TBC1D9: variants seen among roughly 807,000 people sequenced by gnomAD.
The protein encoded by TBC1D9 is TBC1 domain family member 9A.
Under a neutral mutation model 132.0 loss-of-function variants are expected in TBC1D9, and 63 were observed. The ratio of observed to expected loss-of-function variants is 0.48; its 90% confidence interval spans 0.39 to 0.59. The LOEUF is 0.59. Among genes scored for constraint, TBC1D9 ranks in the 20% least tolerant of loss-of-function variants. The pLI is 0.00. For synonymous variants in TBC1D9, 610 were observed against 609.9 expected, an observed-to-expected ratio of 1.00 and a Z score of 0.00; for missense variants, 1,261 against 1,592.7, an observed-to-expected ratio of 0.79 and a Z score of 3.54.
intron 1 of TBC1D9, among the ~76,000 whole-genome samples, chr4:140,719,435 G>A (rs920160397): frequency 6.6e-6 from 1 of 152,112 alleles, no homozygotes; most frequent in Non-Finnish European, 1.5e-5. Flanking sequence ...ACATAAACTT[G>A]CATCTTCTTT....
chr4:140,728,560 C>T (rs1483985804), intron 1 of TBC1D9, among the ~76,000 whole-genome samples: 1 of 152,150 alleles, frequency 6.6e-6, no homozygotes, highest in Non-Finnish European at 1.5e-5. Flanking sequence ...GTGATGCAAT[C>T]TCGGCTCACT....
chr4:140,690,855 T>C (rs1737869343), intron 2 of TBC1D9, among the ~76,000 whole-genome samples: 1 of 152,142 alleles, frequency 6.6e-6, no homozygotes, highest in Non-Finnish European at 1.5e-5. Flanking sequence ...TGTATTATTA[T>C]ATGAACCCAT....
At chr4:140,718,247 G>GAAA (rs11420074) in intron 1 of TBC1D9, among the ~76,000 whole-genome samples, 27 of 123,144 alleles carry the variant, frequency 2.2e-4, no homozygotes, top group African/African-American at 5.5e-4. Flanking sequence ...CCTTTTTTCA[G>GAAA]AAAAAAAAAA....
intron 13 of TBC1D9, chr4:140,643,433 C>T (rs896037913): frequency 5.2e-6 from 5 of 955,754 alleles, no homozygotes; most frequent in Non-Finnish European, 6.6e-6. Flanking sequence ...CCAGGCCGGG[C>T]AGGAACTGCT....
intron 1 of TBC1D9, among the ~76,000 whole-genome samples, chr4:140,717,792 T>G (rs1738360786): frequency 6.6e-6 from 1 of 152,158 alleles, no homozygotes; most frequent in Admixed American, 6.5e-5. Flanking sequence ...TAGAACACAG[T>G]GCAGTCATGA....
chr4:140,636,338 A>G (rs115401826), intron 15 of TBC1D9, among the ~76,000 whole-genome samples: 2,685 of 152,216 alleles, frequency 0.018, 80 homozygotes, highest in African/African-American at 0.061. Context: ...GCTCCTTGGG[A>G]GGAGGACTAC....
rs530021676 is a variant in TBC1D9 at position 140,755,501 on chromosome 4, C to A, written c.130+415G>T. ...CCTGGAAACAAAAGAGCATTTTATA[C>A]CTGATCCTGCTGTTGCCAGTAAAGA... On this transcript the variant is annotated intron_variant, in intron 1 of 20. Transcript: ENST00000442267. Among the ~76,000 whole-genome samples the A allele has an allele frequency of 1.2e-4, 18 of 152,210 alleles. No individual in the cohort carries two copies. The East Asian group carries it at 2.5e-3, about 21-fold the overall frequency.
chr4:140,701,716 AC>A (rs1208817913), intron 1 of TBC1D9, 102 bp from the exon 2 acceptor site: 1 of 825,470 alleles, frequency 1.2e-6, no homozygotes, highest in Non-Finnish European at 2.0e-6. Context: ...TCTTCCAACA[AC>A]CCCATCTCCC....
intron 1 of TBC1D9, among the ~76,000 whole-genome samples, chr4:140,702,922 A>C (rs1738094323): frequency 6.6e-6 from 1 of 152,136 alleles, no homozygotes; most frequent in African/African-American, 2.4e-5. Flanking sequence ...AGCCCAAGAC[A>C]CTTTATTTCC....
intron 1 of TBC1D9, among the ~76,000 whole-genome samples, chr4:140,720,924 C>G (rs1217633890): frequency 2.6e-5 from 4 of 152,216 alleles, no homozygotes; most frequent in Non-Finnish European, 4.4e-5. Context: ...CAGACAGGAG[C>G]CACAGTGGCC....
At chr4:140,644,335 TG>T (rs1737063199) in intron 13 of TBC1D9, 1 of 266,600 alleles carries the variant, frequency 3.8e-6, no homozygotes. Context: ...GGCAGGCTGG[TG>T]GGGTGGGAGC....
intron 13 of TBC1D9, chr4:140,643,755 C>A (rs903095193): frequency 1.8e-6 from 2 of 1,106,094 alleles, no homozygotes; most frequent in Non-Finnish European, 2.6e-6. Context: ...TGCTTCAGGC[C>A]CCTCCGCAAA....
intron 1 of TBC1D9, among the ~76,000 whole-genome samples, chr4:140,704,601 ACT>A (rs1313585390): frequency 1.3e-5 from 2 of 151,932 alleles, no homozygotes; most frequent in Non-Finnish European, 2.9e-5. Flanking sequence ...TTCAATTCTG[ACT>A]CTGCCACTTC....
At chr4:140,643,559 G>C (rs962361195) in intron 13 of TBC1D9, 1 of 881,682 alleles carries the variant, frequency 1.1e-6, no homozygotes. Flanking sequence ...ACATTTCTAG[G>C]CTGGGCTGGG....
intron 13 of TBC1D9, among the ~76,000 whole-genome samples, chr4:140,646,452 A>T (rs1354188755): frequency 6.6e-6 from 1 of 152,220 alleles, no homozygotes; most frequent in East Asian, 1.9e-4. Flanking sequence ...TTTGAATTTC[A>T]GGAAAACAAT....
intron 16 of TBC1D9, among the ~76,000 whole-genome samples, chr4:140,631,699 TG>T (rs1349879274): frequency 6.6e-6 from 1 of 151,722 alleles, no homozygotes; most frequent in Non-Finnish European, 1.5e-5. Context: ...TGGGTTCAAG[TG>T]ATTCTCATAT....
At chr4:140,665,624 A>G (rs2111005014) in intron 9 of TBC1D9, among the ~76,000 whole-genome samples, 1 of 152,258 alleles carries the variant, frequency 6.6e-6, no homozygotes, top group South Asian at 2.1e-4. Flanking sequence ...AGGTGTCCAT[A>G]AAAAAACCTG....
intron 1 of TBC1D9, among the ~76,000 whole-genome samples, chr4:140,743,735 G>C (rs1560902508): frequency 6.6e-6 from 1 of 152,092 alleles, no homozygotes; most frequent in Non-Finnish European, 1.5e-5. Context: ...ATCCTGTTCT[G>C]TACATAACTA....
At chr4:140,663,925 A>C (rs1737403496) in intron 9 of TBC1D9, among the ~76,000 whole-genome samples, 2 of 151,946 alleles carry the variant, frequency 1.3e-5, no homozygotes, top group South Asian at 4.2e-4. Context: ...AAGGGTATAG[A>C]GCTTCAGTTA....
Sources: gnomAD v4.1 joint callset for allele counts (sites outside exome capture counted in the v4.1 genomes callset) on GRCh38, gnomAD v4.1.1 for gene constraint, MANE v1.5 for transcripts, NCBI Gene and HGNC (gene_info 2026-07-23, HGNC 2026-07-21) for gene names.